Variants in FLRT2 observed in about 807,000 individuals in gnomAD.
FLRT2 encodes the protein fibronectin leucine rich transmembrane protein 2.
FLRT2 carries 15 observed loss-of-function variants against 40.0 expected under a neutral mutation model. The observed-to-expected ratio is 0.38, with a 90% CI of 0.25 to 0.58. The LOEUF (loss-of-function observed/expected upper bound fraction) is 0.58. FLRT2 is among the 20% of genes least tolerant of loss of function. The pLI is 0.71. For missense variants in FLRT2, 726 were observed against 840.0 expected (o/e 0.86, Z 1.68); for synonymous variants, 380 against 336.8 (o/e 1.13, Z -1.41).
rs190684718 is a variant in FLRT2, at chr14:85,621,925, G to A, written c.411G>A (p.Glu137=). 1.2e-6 allele frequency: 2 copies of A among 1,601,452 alleles called. No homozygotes were observed. The highest frequency in any genetic ancestry group is 2.2e-5 in the East Asian group (1 of 44,778). The part of the protein sequence containing the change: ...AALAQLLKLE[E]LHLDDNSIST... ...TTGCCCAGCTCTTGAAGCTTGAAGA[G>A]CTGCACCTGGATGACAACTCCATAT... Residue 137 remains glutamate (E), a synonymous_variant, in exon 2 of 2, where the codon GAG becomes GAA. Coordinates refer to ENST00000330753, the MANE Select transcript of FLRT2 (RefSeq NM_013231.6).
intron 1 of FLRT2, among the ~76,000 whole-genome samples, chr14:85,532,213 G>A (rs1424410865): frequency 6.6e-6 from 1 of 152,132 alleles, no homozygotes. Context: ...GGTTGGTCCT[G>A]GGCTAGTTTT....
At chr14:85,562,949 G>A (rs1890436312) in intron 1 of FLRT2, 1 of 152,148 alleles carries the variant, frequency 6.6e-6, no homozygotes, top group Non-Finnish European at 1.5e-5. Flanking sequence ...AGAGGTGACT[G>A]AGAAGCAGGA....
At chr14:85,600,929 T>C in intron 1 of FLRT2, among the ~76,000 whole-genome samples, 1 of 152,284 alleles carries the variant, frequency 6.6e-6, no homozygotes, top group East Asian at 1.9e-4. Context: ...AGATGTTCGT[T>C]GAATGACAAG....
At chr14:85,590,038 G>C (rs1007048149) in intron 1 of FLRT2, among the ~76,000 whole-genome samples, 1 of 140,078 alleles carries the variant, frequency 7.1e-6, no homozygotes, top group Admixed American at 7.7e-5. Context: ...GATTCCTCCA[G>C]TTTTGTTGTT....
intron 1 of FLRT2, among the ~76,000 whole-genome samples, chr14:85,601,496 T>C (rs1761148479): frequency 1.3e-5 from 2 of 152,146 alleles, no homozygotes; most frequent in African/African-American, 4.8e-5. Context: ...AGCTGGTGAA[T>C]GGCAAGCTGC....
At chr14:85,586,839 G>A (rs1441040737) in intron 1 of FLRT2, among the ~76,000 whole-genome samples, 1 of 152,134 alleles carries the variant, frequency 6.6e-6, no homozygotes, top group Admixed American at 6.5e-5. Flanking sequence ...CAGTTTAGTC[G>A]TGATCCTGTC....
chr14:85,647,814 C>T lies in FLRT2; in HGVS notation c.*24317C>T, dbSNP rs780478217. The stretch of plus-strand genomic sequence containing the variant: ...TAAAAACCCCTCAGGAATTAGGATT[C>T]GGGTCACCCTGCTTGGCAGAGCCCT... On this transcript the variant is annotated 3_prime_UTR_variant, in exon 2 of 2. Transcript: ENST00000330753. 2.0e-5 allele frequency: 3 copies of T among 152,064 alleles called. No homozygotes were observed. The highest frequency in any genetic ancestry group is 4.4e-5 in the Non-Finnish European group (3 of 68,030). The allele number at this position is 152,064 out of a possible 1,614,324, so 9.4% of individuals were successfully genotyped here.
At chr14:85,572,821 A>G (rs1890952050) in intron 1 of FLRT2, among the ~76,000 whole-genome samples, 1 of 152,072 alleles carries the variant, frequency 6.6e-6, no homozygotes, top group Non-Finnish European at 1.5e-5. Flanking sequence ...AGCTGCTGTT[A>G]TTTATATTTT....
Position 85,646,607 on chromosome 14 carries a change from GA to G in FLRT2, c.*23112del, listed in dbSNP as rs1460855248. The G allele has an allele frequency of 6.6e-6, 1 of 151,756 alleles. No homozygotes were observed. Among genetic ancestry groups the G allele is most frequent in the African/African-American group, 2.4e-5 (1 of 41,246 alleles). 9.4% of individuals were successfully genotyped at this position (151,756 alleles called of 1,614,324 possible). ...GGCCTCTTCTGTTTCAGGGCTTCTCGAATTTTTTTTTCTTTTATTTATTTTT... is the reference window on the plus strand; with the variant it reads ...GGCCTCTTCTGTTTCAGGGCTTCTCGATTTTTTTTTCTTTTATTTATTTTT... On this transcript the variant is annotated 3_prime_UTR_variant, in exon 2 of 2. Transcript: ENST00000330753.
At chr14:85,534,094 A>AG (rs1308540106) in intron 1 of FLRT2, among the ~76,000 whole-genome samples, 1 of 152,116 alleles carries the variant, frequency 6.6e-6, no homozygotes, top group Non-Finnish European at 1.5e-5. Flanking sequence ...AGAAAGTAAG[A>AG]GGGAGGCGAA....
At position 85,639,851 on chromosome 14, in the gene FLRT2, C is replaced by CTGTT. The variant is rs1566773394; in HGVS notation, c.*16355_*16356insGTTT. The CTGTT allele has an allele frequency of 2.7e-4, 32 of 119,242 alleles. No individual in the cohort carries two copies. Among genetic ancestry groups the CTGTT allele is most frequent in the African/African-American group, 1.0e-3 (31 of 29,596 alleles). The allele number at this position is 119,242 out of a possible 1,614,324, so 7.4% of individuals were successfully genotyped here. A position where few individuals can be genotyped will look rare whatever the true frequency, so the allele number is the denominator to read the frequency against. ...GAAATTCTTTATTTTTTTTTTTTTC[C>CTGTT]TTTTTTTTTTTTTTTGAGACAGTGT... On this transcript the variant is annotated 3_prime_UTR_variant, in exon 2 of 2. Transcript: ENST00000330753.
At chr14:85,616,296 A>T (rs1328531993) in intron 1 of FLRT2, among the ~76,000 whole-genome samples, 2 of 150,466 alleles carry the variant, frequency 1.3e-5, no homozygotes, top group African/African-American at 4.9e-5. Flanking sequence ...CAGTATTCAC[A>T]CAAACAGGGA....
At chr14:85,532,767 C>A (rs1888364631) in intron 1 of FLRT2, among the ~76,000 whole-genome samples, 1 of 152,156 alleles carries the variant, frequency 6.6e-6, no homozygotes. Flanking sequence ...ACCAAGGTTG[C>A]CTGCATTTGA....
At chr14:85,612,897 G>A (rs537447079) in intron 1 of FLRT2, among the ~76,000 whole-genome samples, 4 of 152,258 alleles carry the variant, frequency 2.6e-5, no homozygotes, top group African/African-American at 9.6e-5. Flanking sequence ...ATCTTCGACC[G>A]AAATGTGTAT....
At position 85,624,447 on chromosome 14, in the gene FLRT2, G is replaced by A. The variant is rs1215460485; in HGVS notation, c.*950G>A. 1.8e-5 allele frequency: 3 copies of A among 167,070 alleles called. No individual in the cohort carries two copies. In the Admixed American group the frequency reaches 2.0e-4, roughly 11 times the overall value. 10.3% of individuals were successfully genotyped at this position (167,070 alleles called of 1,614,324 possible). A position where few individuals can be genotyped will look rare whatever the true frequency, so the allele number is the denominator to read the frequency against. On this transcript the variant is annotated 3_prime_UTR_variant, in exon 2 of 2. Coordinates refer to ENST00000330753, the MANE Select transcript of FLRT2 (RefSeq NM_013231.6). The stretch of plus-strand genomic sequence containing the variant: ...ATTTGGGTAGATTCACTGAGGCTAT[G>A]TCAACATGATATTTAGACCAACAGG...
intron 1 of FLRT2, among the ~76,000 whole-genome samples, chr14:85,584,233 G>T (rs866014774): frequency 1.8e-4 from 28 of 152,244 alleles, no homozygotes; most frequent in African/African-American, 5.3e-4. Context: ...ATTAATATTT[G>T]CACAGGACTA....
At chr14:85,617,764 G>C (rs1893198068) in intron 1 of FLRT2, among the ~76,000 whole-genome samples, 1 of 152,192 alleles carries the variant, frequency 6.6e-6, no homozygotes, top group Admixed American at 6.5e-5. Context: ...GCTACATGCT[G>C]TTATTTTGTG....
chr14:85,588,586 C>A (rs533931477), intron 1 of FLRT2, among the ~76,000 whole-genome samples: 61 of 152,076 alleles, frequency 4.0e-4, no homozygotes, highest in Non-Finnish European at 6.6e-4. Flanking sequence ...GGGTATCCAT[C>A]CTCTTAAGGA....
chr14:85,575,147 A>G (rs1323898150), intron 1 of FLRT2, among the ~76,000 whole-genome samples: 2 of 152,192 alleles, frequency 1.3e-5, no homozygotes, highest in African/African-American at 4.8e-5. Flanking sequence ...GGCCCCTAAT[A>G]GGCACACTTA....
Sources: gnomAD v4.1 joint callset for allele counts (sites outside exome capture counted in the v4.1 genomes callset) on GRCh38, gnomAD v4.1.1 for gene constraint, MANE v1.5 for transcripts, NCBI Gene and HGNC (gene_info 2026-07-23, HGNC 2026-07-21) for gene names.